Variants in GUCY1A2 observed in about 807,000 individuals in gnomAD.
GUCY1A2 encodes guanylate cyclase 1 soluble subunit alpha 2, also known as guanylate cyclase soluble subunit alpha-2.
In GUCY1A2, 27 loss-of-function variants were observed where a neutral mutation model predicts 63.5. The observed-to-expected ratio is 0.43, with a 90% CI of 0.31 to 0.59. The LOEUF (loss-of-function observed/expected upper bound fraction) is 0.59. Ranked by LOEUF, GUCY1A2 falls within the 20% of genes least tolerant of loss-of-function variation. The pLI is 0.11. For missense variants in GUCY1A2, 768 were observed against 913.3 expected (o/e 0.84, Z 2.05); for synonymous variants, 364 against 343.5 (o/e 1.06, Z -0.66).
rs1159101981 is a variant in GUCY1A2 at position 107,017,954 on chromosome 11, G to A, written c.102C>T (p.Leu34=). 2 of 1,400,844 alleles carry A rather than the reference G, an allele frequency of 1.4e-6. No homozygotes were observed. The highest frequency in any genetic ancestry group is 1.5e-5 in the African/African-American group (1 of 67,162). 86.8% of individuals were successfully genotyped at this position (1,400,844 alleles called of 1,614,324 possible). The change falls in exon 1 of 8, where the codon CTC becomes CTT. Residue 34 remains leucine (L), a synonymous_variant. Transcript: ENST00000526355. ...GCGGGCTCCGGCTGCCATTCCAGCA[G>A]AGCCTAGACAGGGGGCACTCCCCCT... ...EEEGECPLSR[L]CWNGSRSPPG...
At chr11:106,764,078 C>A (rs920406807) in intron 6 of GUCY1A2, among the ~76,000 whole-genome samples, 5 of 151,832 alleles carry the variant, frequency 3.3e-5, no homozygotes, top group Non-Finnish European at 4.4e-5. Context: ...ATATTATTCC[C>A]AACTTAATTT....
chr11:106,899,820 C>T (rs1860103792), intron 4 of GUCY1A2, among the ~76,000 whole-genome samples: 1 of 152,134 alleles, frequency 6.6e-6, no homozygotes, highest in Non-Finnish European at 1.5e-5. Flanking sequence ...CACGGTGGCT[C>T]ACGCCTGTAA....
At chr11:107,007,144 G>A (rs904011786) in intron 1 of GUCY1A2, among the ~76,000 whole-genome samples, 1 of 152,076 alleles carries the variant, frequency 6.6e-6, no homozygotes, top group Admixed American at 6.5e-5. Context: ...CATGAATGAT[G>A]TAGCTAAATA....
intron 6 of GUCY1A2, among the ~76,000 whole-genome samples, chr11:106,708,982 G>T (rs1010763231): frequency 6.6e-6 from 1 of 150,468 alleles, no homozygotes; most frequent in African/African-American, 2.4e-5. Context: ...GGTCTAACTT[G>T]AAAAGTATAT....
rs1358049470 is a variant in GUCY1A2 at position 106,683,851 on chromosome 11, G to A, written c.*3698C>T. 1 of 207,488 alleles carries A rather than the reference G, an allele frequency of 4.8e-6. No individual in the cohort carries two copies. The highest frequency in any genetic ancestry group is 9.8e-6 in the Non-Finnish European group (1 of 101,730). The allele number at this position is 207,488 out of a possible 1,614,324, so 12.9% of individuals were successfully genotyped here. ...TCATAATTTTGAGCTCCTACCTGAT[G>A]CCTTACGACTTTAGATACACAATTT... On this transcript the variant is annotated 3_prime_UTR_variant, in exon 8 of 8. Coordinates refer to ENST00000526355, the MANE Select transcript of GUCY1A2 (RefSeq NM_000855.3).
intron 4 of GUCY1A2, among the ~76,000 whole-genome samples, chr11:106,936,056 T>C (rs1453548680): frequency 6.6e-6 from 1 of 152,172 alleles, no homozygotes; most frequent in Non-Finnish European, 1.5e-5. Context: ...CCCAGCCTGT[T>C]GATACTTTCA....
chr11:106,781,901 C>A (rs550236207), intron 5 of GUCY1A2, among the ~76,000 whole-genome samples: 3 of 152,230 alleles, frequency 2.0e-5, no homozygotes, highest in South Asian at 4.1e-4. Context: ...AGTTTTAGAT[C>A]ATTTAAAAGA....
At chr11:106,696,714 C>T (rs1252787397) in intron 7 of GUCY1A2, among the ~76,000 whole-genome samples, 1 of 152,034 alleles carries the variant, frequency 6.6e-6, no homozygotes, top group Non-Finnish European at 1.5e-5. Flanking sequence ...AAAGGGCATA[C>T]TTTTTTCCTT....
intron 4 of GUCY1A2, among the ~76,000 whole-genome samples, chr11:106,849,837 T>C (rs149504722): frequency 9.0e-4 from 137 of 151,776 alleles, no homozygotes; most frequent in Non-Finnish European, 1.6e-3. Flanking sequence ...GAGAACATAA[T>C]AGAGGTGAAG....
intron 6 of GUCY1A2, among the ~76,000 whole-genome samples, chr11:106,753,361 C>T (rs1863916754): frequency 6.6e-6 from 1 of 152,126 alleles, no homozygotes; most frequent in Admixed American, 6.5e-5. Flanking sequence ...TGTAGAAGCT[C>T]TTCAGTTTAA....
At chr11:106,915,373 G>C (rs919276014) in intron 4 of GUCY1A2, among the ~76,000 whole-genome samples, 1 of 152,044 alleles carries the variant, frequency 6.6e-6, no homozygotes, top group Non-Finnish European at 1.5e-5. Context: ...TCTGTTACAA[G>C]GTATCTGTAC....
intron 4 of GUCY1A2, among the ~76,000 whole-genome samples, chr11:106,849,283 G>A (rs923041885): frequency 1.9e-4 from 28 of 150,732 alleles, no homozygotes; most frequent in African/African-American, 5.3e-4. Flanking sequence ...AAAAGCTTTC[G>A]TCTATTGACT....
chr11:106,792,291 C>A (rs1864677668), intron 5 of GUCY1A2, among the ~76,000 whole-genome samples: 1 of 149,126 alleles, frequency 6.7e-6, no homozygotes, highest in African/African-American at 2.5e-5. Context: ...GAGGCTGAGG[C>A]AGGACAATCA....
intron 4 of GUCY1A2, chr11:106,826,623 T>C (rs900961034): frequency 5.0e-6 from 8 of 1,604,946 alleles, no homozygotes; most frequent in Non-Finnish European, 6.8e-6. Flanking sequence ...GTGCATTGTA[T>C]TTTCCCAGCA....
chr11:106,736,670 G>T (rs1000737200), intron 6 of GUCY1A2, among the ~76,000 whole-genome samples: 1 of 152,106 alleles, frequency 6.6e-6, no homozygotes, highest in African/African-American at 2.4e-5. Context: ...TGTGAAGAAT[G>T]TCATTAGTAT....
At chr11:106,881,518 A>T (rs1406391235) in intron 4 of GUCY1A2, among the ~76,000 whole-genome samples, 1 of 152,076 alleles carries the variant, frequency 6.6e-6, no homozygotes, top group Non-Finnish European at 1.5e-5. Flanking sequence ...AATTTATTAC[A>T]TATGAAAGTC....
chr11:106,897,555 A>G (rs1173456868), intron 4 of GUCY1A2, among the ~76,000 whole-genome samples: 1 of 152,078 alleles, frequency 6.6e-6, no homozygotes, highest in Non-Finnish European at 1.5e-5. Flanking sequence ...AAATATATAT[A>G]TATAGTAAAA....
In GUCY1A2 at chr11:106,922,048, T is replaced by G. The variant is rs981832877; in HGVS notation, c.1206+17412A>C. Among the ~76,000 whole-genome samples, 4 of 152,310 alleles carry G rather than the reference T, an allele frequency of 2.6e-5. No homozygotes were observed. The East Asian group carries it at 5.8e-4, about 22-fold the overall frequency. ...TATTCTATACAATTTGAAAAAGTGATGAACTTTTAACACTTGTACAATTAG... is the reference window on the plus strand; with the variant it reads ...TATTCTATACAATTTGAAAAAGTGAGGAACTTTTAACACTTGTACAATTAG... On this transcript the variant is annotated intron_variant, in intron 4 of 7. Coordinates refer to ENST00000526355, the MANE Select transcript of GUCY1A2 (RefSeq NM_000855.3).
At chr11:106,898,410 G>C (rs1042450113) in intron 4 of GUCY1A2, among the ~76,000 whole-genome samples, 14 of 152,112 alleles carry the variant, frequency 9.2e-5, no homozygotes, top group Non-Finnish European at 1.9e-4. Context: ...GTTTATAGCA[G>C]GTTTATTCAT....
Sources: allele counts gnomAD v4.1 joint callset (sites outside exome capture counted in the v4.1 genomes callset), GRCh38; gene constraint gnomAD v4.1.1; transcripts MANE v1.5; gene names NCBI Gene and HGNC (gene_info 2026-07-23, HGNC 2026-07-21).